Variants in DNAJC1 observed in about 807,000 individuals in gnomAD.
DNAJC1 encodes dnaJ homolog subfamily C member 1.
DNAJC1 carries 58 observed loss-of-function variants against 76.6 expected under a neutral mutation model. The ratio of observed to expected loss-of-function variants is 0.76; its 90% CI spans 0.61 to 0.94. The LOEUF (loss-of-function observed/expected upper bound fraction) is 0.94, where lower values mean the gene tolerates loss of function less well. Among genes scored for constraint, DNAJC1 ranks in the 40% least tolerant of loss-of-function variants. The pLI is 0.00. For missense variants in DNAJC1, 689 were observed against 677.3 expected, an observed-to-expected ratio of 1.02 and a Z score of -0.19; for synonymous variants, 258 against 267.9, an observed-to-expected ratio of 0.96 and a Z score of 0.36.
intron 1 of DNAJC1, among the ~76,000 whole-genome samples, chr10:21,980,128 C>A (rs899642857): frequency 6.6e-6 from 1 of 151,970 alleles, no homozygotes. Flanking sequence ...GACCACAGGG[C>A]TAAACAAGTG....
At chr10:21,963,181 G>T (rs1166600327) in intron 1 of DNAJC1, among the ~76,000 whole-genome samples, 2 of 152,144 alleles carry the variant, frequency 1.3e-5, no homozygotes, top group Admixed American at 1.3e-4. Context: ...CAAGTACACA[G>T]AAATATGCAT....
chr10:21,955,457 T>A (rs1046243282), intron 1 of DNAJC1, among the ~76,000 whole-genome samples: 4 of 152,166 alleles, frequency 2.6e-5, no homozygotes, highest in Non-Finnish European at 5.9e-5. Flanking sequence ...CAAATGGGAC[T>A]GAGGGCCAAA....
At chr10:21,810,714 T>A (rs1323664316) in intron 8 of DNAJC1, among the ~76,000 whole-genome samples, 1 of 152,164 alleles carries the variant, frequency 6.6e-6, no homozygotes, top group Non-Finnish European at 1.5e-5. Flanking sequence ...GGGGTGATTA[T>A]CCCCACTGCC....
At chr10:21,982,754 G>A (rs1236506857) in intron 1 of DNAJC1, among the ~76,000 whole-genome samples, 1 of 151,890 alleles carries the variant, frequency 6.6e-6, no homozygotes, top group Non-Finnish European at 1.5e-5. Context: ...GTACTGACGA[G>A]GATGTGGAGA....
At position 21,756,766 on chromosome 10, in the gene DNAJC1, A is replaced by G. The variant is rs770421972; in HGVS notation, c.1597-11T>C. ...AGCGATACAGTCTTCCTGTAGGAAG[A>G]AAAAAAGAGAGGTGAGAACAGTCAC... On this transcript the variant is annotated splice_polypyrimidine_tract_variant and intron_variant, in intron 11 of 11. Coordinates refer to ENST00000376980, the MANE Select transcript of DNAJC1 (RefSeq NM_022365.4). The G allele has an allele frequency of 1.9e-6, 3 of 1,611,316 alleles. No homozygotes were observed. The highest frequency in any genetic ancestry group is 2.2e-5 in the South Asian group (2 of 91,018).
intron 8 of DNAJC1, among the ~76,000 whole-genome samples, chr10:21,871,099 C>G (rs1363204671): frequency 6.6e-6 from 1 of 152,032 alleles, no homozygotes; most frequent in Non-Finnish European, 1.5e-5. Context: ...TCCCTGGGGG[C>G]ATTTGTTAAA....
At chr10:21,758,386 T>C (rs944209567) in intron 11 of DNAJC1, among the ~76,000 whole-genome samples, 3 of 152,172 alleles carry the variant, frequency 2.0e-5, no homozygotes, top group African/African-American at 4.8e-5. Context: ...CCTGGGGCTC[T>C]CTGCAGCGCC....
At chr10:21,968,375 AT>A (rs1837923695) in intron 1 of DNAJC1, among the ~76,000 whole-genome samples, 1 of 152,178 alleles carries the variant, frequency 6.6e-6, no homozygotes. Context: ...AAAACTAAGG[AT>A]TAGAGACCTT....
intron 9 of DNAJC1, among the ~76,000 whole-genome samples, chr10:21,769,749 C>T (rs1834351735): frequency 6.6e-6 from 1 of 152,078 alleles, no homozygotes. Flanking sequence ...TGCAATGGAG[C>T]GATTCCAGCT....
chr10:21,938,298 T>C (rs942580646), intron 1 of DNAJC1, among the ~76,000 whole-genome samples: 5 of 151,576 alleles, frequency 3.3e-5, no homozygotes, highest in African/African-American at 1.2e-4. Context: ...AAACGTAGGA[T>C]GTGGTAAAAG....
chr10:21,866,068 G>C (rs1298065864), intron 8 of DNAJC1: 1 of 150,554 alleles, frequency 6.6e-6, no homozygotes, highest in African/African-American at 2.5e-5. Flanking sequence ...CTGGGAGGTG[G>C]AGGTTGCAGT....
Position 21,920,825 on chromosome 10 carries a change from A to ATG in DNAJC1, c.509_510insCA (p.Trp171IlefsTer14), listed in dbSNP as rs1217781217. The ATG allele has an allele frequency of 9.9e-6, 16 of 1,612,476 alleles. No homozygotes were observed. The highest frequency in any genetic ancestry group is 1.4e-5 in the Non-Finnish European group (16 of 1,179,020). On this transcript the variant is annotated frameshift_variant, in exon 4 of 12. Coordinates refer to ENST00000376980, the MANE Select transcript of DNAJC1 (RefSeq NM_022365.4). LOFTEE classifies it high-confidence loss of function. ...GTTGTTTTTCCAGGTAGATTGACCAAACCACAGCATAATGACCCACTGTGA... is the reference window on the plus strand; with the variant it reads ...GTTGTTTTTCCAGGTAGATTGACCAATGACCACAGCATAATGACCCACTGTGA...
intron 7 of DNAJC1, among the ~76,000 whole-genome samples, chr10:21,884,622 C>A (rs952656293): frequency 1.3e-5 from 2 of 152,080 alleles, no homozygotes; most frequent in African/African-American, 4.8e-5. Context: ...TTTACTATTT[C>A]TTCATAGAGA....
chr10:21,842,849 A>G (rs1159945976), intron 8 of DNAJC1, among the ~76,000 whole-genome samples: 1 of 152,252 alleles, frequency 6.6e-6, no homozygotes, highest in Non-Finnish European at 1.5e-5. Context: ...CTCAAAAATT[A>G]GGAACAGTAA....
chr10:21,973,269 A>G (rs2131830092), intron 1 of DNAJC1, among the ~76,000 whole-genome samples: 1 of 152,310 alleles, frequency 6.6e-6, no homozygotes, highest in South Asian at 2.1e-4. Flanking sequence ...CAAATGTAGC[A>G]CCAATGAATG....
intron 8 of DNAJC1, among the ~76,000 whole-genome samples, chr10:21,824,538 T>C (rs1426224451): frequency 6.6e-6 from 1 of 152,022 alleles, no homozygotes; most frequent in Non-Finnish European, 1.5e-5. Context: ...ATAACAGTAT[T>C]TAACAAATGT....
chr10:21,813,320 C>T (rs192304986), intron 8 of DNAJC1, among the ~76,000 whole-genome samples: 1 of 149,866 alleles, frequency 6.7e-6, no homozygotes, highest in Admixed American at 6.7e-5. Flanking sequence ...AGTGAGGCCG[C>T]TCAAGCGGCC....
intron 9 of DNAJC1, among the ~76,000 whole-genome samples, chr10:21,800,949 C>T (rs188235897): frequency 5.8e-4 from 88 of 152,118 alleles, no homozygotes; most frequent in African/African-American, 2.1e-3. Context: ...ATCAGTAAAG[C>T]AGAATTAACC....
chr10:21,813,214 C>CTA (rs1275585803), intron 8 of DNAJC1, among the ~76,000 whole-genome samples: 90 of 42,666 alleles, frequency 2.1e-3, no homozygotes, highest in Non-Finnish European at 3.1e-3. Flanking sequence ...CTCTCTCTCT[C>CTA]TCTCTCTATA....
Sources: gnomAD v4.1 joint callset for allele counts (sites outside exome capture counted in the v4.1 genomes callset) on GRCh38, gnomAD v4.1.1 for gene constraint, MANE v1.5 for transcripts, NCBI Gene and HGNC (gene_info 2026-07-23, HGNC 2026-07-21) for gene names.